Variants in SLC9C1 observed in about 807,000 individuals in gnomAD.
The protein encoded by SLC9C1 is sodium/hydrogen exchanger 10.
In SLC9C1, 97 loss-of-function variants were observed where a neutral mutation model predicts 140.9. The observed-to-expected ratio is 0.69, with a 90% confidence interval of 0.58 to 0.82. SLC9C1 has a LOEUF of 0.82. Ranked by LOEUF, SLC9C1 falls within the 40% of genes least tolerant of loss-of-function variation. The pLI, the probability that SLC9C1 is intolerant of heterozygous loss-of-function variation, is 0.00. For missense variants in SLC9C1, 1,340 were observed against 1,389.3 expected (o/e 0.96, Z 0.56); for synonymous variants, 440 against 442.6 (o/e 0.99, Z 0.07).
chr3:112,157,838 A>G (rs1029471886), intron 26 of SLC9C1, among the ~76,000 whole-genome samples: 21 of 151,854 alleles, frequency 1.4e-4, no homozygotes, highest in African/African-American at 4.3e-4. Flanking sequence ...GTTAGCCTAT[A>G]TAAATGCTAC....
intron 25 of SLC9C1, 76 bp from the exon 26 acceptor site, chr3:112,167,423 T>G (rs2077160429): frequency 4.2e-6 from 6 of 1,427,898 alleles, no homozygotes; most frequent in Non-Finnish European, 5.6e-6. Context: ...AAGCTGCTAT[T>G]TCTGGCTTTC....
intron 28 of SLC9C1, among the ~76,000 whole-genome samples, chr3:112,149,092 T>G (rs1576201841): frequency 6.6e-6 from 1 of 152,130 alleles, no homozygotes; most frequent in East Asian, 1.9e-4. Flanking sequence ...GCAGGTGCTC[T>G]GAATGCTTGG....
intron 26 of SLC9C1, among the ~76,000 whole-genome samples, chr3:112,161,217 G>T (rs2075287586): frequency 6.6e-6 from 1 of 152,038 alleles, no homozygotes. Context: ...CCATTTTGTA[G>T]GTTGCCTGTT....
intron 2 of SLC9C1, among the ~76,000 whole-genome samples, chr3:112,286,030 T>A (rs532962443): frequency 6.6e-6 from 1 of 152,160 alleles, no homozygotes; most frequent in Non-Finnish European, 1.5e-5. Context: ...TCCCAAAGTG[T>A]TAGTATTACA....
intron 28 of SLC9C1, among the ~76,000 whole-genome samples, chr3:112,142,218 T>C (rs2074649343): frequency 6.6e-6 from 1 of 152,174 alleles, no homozygotes; most frequent in Non-Finnish European, 1.5e-5. Context: ...TCCTCTTCTG[T>C]TTCAAAGGAA....
chr3:112,238,594 A>C lies in SLC9C1; in HGVS notation c.1446+1246T>G, dbSNP rs185272011. Among the ~76,000 whole-genome samples, 186 of 152,044 alleles carry C rather than the reference A, an allele frequency of 1.2e-3. 1 individual carries two copies. The highest frequency in any genetic ancestry group is 4.3e-3 in the African/African-American group (179 of 41,440). ...TTTCCCCATCTTTGTGGTTTTATCT[A>C]CCTTTGGTCTTTGATGATGGTGATG... On this transcript the variant is annotated intron_variant, in intron 12 of 28. Transcript: ENST00000305815.
intron 23 of SLC9C1, among the ~76,000 whole-genome samples, chr3:112,177,000 T>G (rs1311169576): frequency 7.9e-6 from 1 of 127,118 alleles, no homozygotes; most frequent in Non-Finnish European, 1.7e-5. Context: ...TCTCTCTCTC[T>G]CTCTCTTTTT....
At chr3:112,272,946 CCAA>C (rs994947354) in intron 6 of SLC9C1, among the ~76,000 whole-genome samples, 4 of 152,166 alleles carry the variant, frequency 2.6e-5, no homozygotes, top group Admixed American at 2.6e-4. Context: ...TTCCCTTCTC[CCAA>C]CGAGTACCAA....
rs2080526801 is a variant in SLC9C1, at chr3:112,286,966, A to T, written c.-87-88T>A. ...GCCCTATTCTCCTTTAATTATTTCT[A>T]GTGATTTCTCGTGGTCTGCCAAATT... On this transcript the variant is annotated intron_variant, in intron 1 of 28. Coordinates refer to ENST00000305815, the MANE Select transcript of SLC9C1 (RefSeq NM_183061.3). 3 of 477,770 alleles carry T rather than the reference A, an allele frequency of 6.3e-6. No individual in the cohort carries two copies. In the Admixed American group the frequency reaches 1.2e-4, roughly 19 times the overall value. The allele number at this position is 477,770 out of a possible 1,614,324, so 29.6% of individuals were successfully genotyped here. A position where few individuals can be genotyped will look rare whatever the true frequency, so the allele number is the denominator to read the frequency against.
intron 11 of SLC9C1, among the ~76,000 whole-genome samples, chr3:112,241,081 G>A (rs2079127582): frequency 6.6e-6 from 1 of 152,102 alleles, no homozygotes; most frequent in African/African-American, 2.4e-5. Flanking sequence ...GGTGACTATA[G>A]TCAATAATAC....
intron 26 of SLC9C1, among the ~76,000 whole-genome samples, chr3:112,155,398 C>T (rs1395829487): frequency 6.6e-6 from 1 of 152,120 alleles, no homozygotes; most frequent in East Asian, 1.9e-4. Flanking sequence ...AGATCCATGT[C>T]TTCTAGGAGT....
intron 2 of SLC9C1, among the ~76,000 whole-genome samples, chr3:112,281,741 C>T (rs531014977): frequency 8.6e-5 from 13 of 151,968 alleles, no homozygotes; most frequent in Non-Finnish European, 1.6e-4. Flanking sequence ...AATAAGACAT[C>T]GGTTTGAAAA....
chr3:112,263,878 T>G (rs1372809329), intron 9 of SLC9C1, among the ~76,000 whole-genome samples: 1 of 151,866 alleles, frequency 6.6e-6, no homozygotes, highest in Admixed American at 6.6e-5. Context: ...AATAGAAAAT[T>G]GTTTGTTATA....
At chr3:112,275,261 TTTA>T (rs997201312) in intron 5 of SLC9C1, among the ~76,000 whole-genome samples, 2 of 152,064 alleles carry the variant, frequency 1.3e-5, no homozygotes, top group Admixed American at 1.3e-4. Context: ...AAACATGAAA[TTTA>T]TTATTATTTT....
chr3:112,273,919 G>A (rs2080144591), intron 6 of SLC9C1, among the ~76,000 whole-genome samples: 1 of 152,158 alleles, frequency 6.6e-6, no homozygotes, highest in Non-Finnish European at 1.5e-5. Flanking sequence ...GTGGTGGAAT[G>A]AGACAATGCT....
At chr3:112,291,936 C>T (rs1167060499) in intron 1 of SLC9C1, among the ~76,000 whole-genome samples, 2 of 152,148 alleles carry the variant, frequency 1.3e-5, no homozygotes, top group East Asian at 3.8e-4. Context: ...ACTATGCAGC[C>T]ATAAAAAAGA....
chr3:112,227,480 C>T (rs2078712695), intron 13 of SLC9C1, among the ~76,000 whole-genome samples: 1 of 151,380 alleles, frequency 6.6e-6, no homozygotes, highest in Admixed American at 6.6e-5. Context: ...ACAGAAAGAC[C>T]AAAGCCATTT....
At chr3:112,250,813 G>A (rs1267468072) in intron 10 of SLC9C1, among the ~76,000 whole-genome samples, 3 of 152,148 alleles carry the variant, frequency 2.0e-5, no homozygotes, top group Non-Finnish European at 2.9e-5. Context: ...AATTAAGGCA[G>A]CCACAGTGGA....
intron 28 of SLC9C1, among the ~76,000 whole-genome samples, chr3:112,151,059 A>G (rs2074964215): frequency 6.6e-6 from 1 of 151,714 alleles, no homozygotes; most frequent in Admixed American, 6.6e-5. Context: ...GCTGGTCTTG[A>G]ACTCCTGACC....
Sources: allele counts gnomAD v4.1 joint callset (sites outside exome capture counted in the v4.1 genomes callset), GRCh38; gene constraint gnomAD v4.1.1; transcripts MANE v1.5; gene names NCBI Gene and HGNC (gene_info 2026-07-23, HGNC 2026-07-21).